TBC1D9B: variants seen among roughly 807,000 people sequenced by gnomAD.
TBC1D9B encodes TBC1 domain family, member 9B (with GRAM domain).
TBC1D9B carries 87 observed loss-of-function variants against 121.1 expected under a neutral mutation model. The ratio of observed to expected loss-of-function variants is 0.72; its 90% confidence interval spans 0.60 to 0.86. The LOEUF is 0.86. Among genes scored for constraint, TBC1D9B ranks in the 40% least tolerant of loss-of-function variants. The pLI is 0.00. For synonymous variants in TBC1D9B, 668 were observed against 670.1 expected (o/e 1.00, Z 0.05); for missense variants, 1,540 against 1,628.6 (o/e 0.95, Z 0.94).
intron 7 of TBC1D9B, 71 bp downstream of exon 7, chr5:179,888,032 G>A (rs910659025): frequency 1.9e-5 from 30 of 1,572,042 alleles, no homozygotes; most frequent in East Asian, 2.2e-5. Flanking sequence ...AGGCTCCAGC[G>A]GGGAGGCTGA....
rs942776062 is a variant in TBC1D9B, at chr5:179,872,775, A to C, written c.2415+117T>G. ...TCCCATGAATCCTACCATGATGTAC[A>C]TACCAAAGCAGTGTAGGAGACTGGG... On this transcript the variant is annotated intron_variant, in intron 14 of 20. Transcript: ENST00000355235. 5.3e-6 allele frequency: 5 copies of C among 942,858 alleles called. No homozygotes were observed. The highest frequency in any genetic ancestry group is 8.2e-6 in the Non-Finnish European group (5 of 611,788). The allele number at this position is 942,858 out of a possible 1,614,324, so 58.4% of individuals were successfully genotyped here.
rs768709430 is a variant in TBC1D9B at position 179,875,167 on chromosome 5, T to C, written c.1921A>G (p.Ile641Val). ...AAGTCTCTCGTGAGCTCTTCGAAGATGCCTTGGTCCACCAGGGCTCCTGCG... is the reference window on the plus strand; with the variant it reads ...AAGTCTCTCGTGAGCTCTTCGAAGACGCCTTGGTCCACCAGGGCTCCTGCG... ...RVVGALVDQG[I>V]FEELTRDFLP... Residue 641 changes from isoleucine (I) to valine (V), a missense_variant, in exon 12 of 21, where the codon ATC (isoleucine) becomes GTC (valine). Physicochemically the swap from Ile to Val is conservative, Grantham distance 29. Transcript: ENST00000355235. This position sits in a 1 kb window ranked among gnomAD's most constrained non-coding sequence, Gnocchi z 4.5. The C allele has an allele frequency of 1.9e-6, 3 of 1,613,414 alleles. No homozygotes were observed. The South Asian group carries it at 3.3e-5, about 18-fold the overall frequency.
Position 179,902,710 on chromosome 5 carries a change from C to T in TBC1D9B, c.229+1992G>A, listed in dbSNP as rs1761197274. ...TGCCAGAGATGGAAATCTCAAGGGC[C>T]CATGTTAAAGCAGCTCCTCTCCTCA... is the stretch of plus-strand genomic sequence containing the variant. On this transcript the variant is annotated intron_variant, in intron 2 of 20. Coordinates refer to ENST00000355235, the MANE Select transcript of TBC1D9B (RefSeq NM_015043.4). The surrounding 1 kb of genome is among the most constrained non-coding windows in gnomAD (Gnocchi z 4.9). Among the ~76,000 whole-genome samples, 1 of 152,156 alleles carries T rather than the reference C, an allele frequency of 6.6e-6. No individual in the cohort carries two copies. Among genetic ancestry groups the T allele is most frequent in the Non-Finnish European group, 1.5e-5 (1 of 68,016 alleles).
rs377187031 is a variant in TBC1D9B at position 179,879,622 on chromosome 5, G to A, written c.1416+6C>T. The A allele has an allele frequency of 1.9e-6, 3 of 1,613,820 alleles. No individual in the cohort carries two copies. Among genetic ancestry groups the A allele is most frequent in the Non-Finnish European group, 2.5e-6 (3 of 1,179,868 alleles). ...GGAGGCTGGAGTGCCGGCGCTCAGG[G>A]CTCACCCCCTTGGCTCCAAGGTCCT... On this transcript the variant is annotated splice_donor_region_variant and intron_variant, in intron 8 of 20. Coordinates refer to ENST00000355235, the MANE Select transcript of TBC1D9B (RefSeq NM_015043.4).
rs1347891538 is a variant in TBC1D9B, at chr5:179,891,388, G to C, written c.1035C>G (p.Pro345=). The C allele has an allele frequency of 6.2e-7, 1 of 1,614,202 alleles. No homozygotes were observed. Among genetic ancestry groups the C allele is most frequent in the South Asian group, 1.1e-5 (1 of 91,076 alleles). Residue 345 remains proline, a synonymous_variant, in exon 6 of 21, where the codon CCC becomes CCG. Transcript: ENST00000355235. The surrounding 1 kb of genome is among the most constrained non-coding windows in gnomAD (Gnocchi z 4.3). ...KEEDACHLII[P]LREVTIVEKA... is the part of the protein sequence containing the mutation. ...ACTAGGGGATGCTGACCTCCCTCAG[G>C]GGTATGATGAGGTGGCAAGCGTCCT... is the stretch of plus-strand genomic sequence containing the variant.
In TBC1D9B at chr5:179,885,022, T is replaced by C. The variant is rs569409721; in HGVS notation, c.1254+3081A>G. Among the ~76,000 whole-genome samples, 5 of 152,276 alleles carry C rather than the reference T, an allele frequency of 3.3e-5. No individual in the cohort carries two copies. Among genetic ancestry groups the C allele is most frequent in the South Asian group, 2.1e-4 (1 of 4,824 alleles). ...GCGTCTCCTGAATCTGACCCCTTCT[T>C]ACACCTACACTGTTCCTACCCTTGA... On this transcript the variant is annotated intron_variant, in intron 7 of 20. Transcript: ENST00000355235. The surrounding 1 kb of genome is among the most constrained non-coding windows in gnomAD (Gnocchi z 4.5).
At chr5:179,866,171 G>A (rs1760001582) in intron 18 of TBC1D9B, 1 of 400,802 alleles carries the variant, frequency 2.5e-6, no homozygotes, top group African/African-American at 2.1e-5. Flanking sequence ...CAACATGCTG[G>A]TTTTGACGTG....
At chr5:179,883,359 C>T (rs1392327013) in intron 7 of TBC1D9B, among the ~76,000 whole-genome samples, 1 of 152,182 alleles carries the variant, frequency 6.6e-6, no homozygotes, top group Non-Finnish European at 1.5e-5. Flanking sequence ...TGGGATGGCA[C>T]TACGATTATA....
rs796278508 is a variant in TBC1D9B at position 179,881,946 on chromosome 5, G to GTTTTTTTTTTTTTTTT, written c.1255-2173_1255-2158dup. Among the ~76,000 whole-genome samples the GTTTTTTTTTTTTTTTT allele has an allele frequency of 2.9e-4, 37 of 128,280 alleles. 5 individuals are homozygous for GTTTTTTTTTTTTTTTT. Among genetic ancestry groups the GTTTTTTTTTTTTTTTT allele is most frequent in the African/African-American group, 1.2e-3 (37 of 29,960 alleles). The allele number at this position is 128,280 out of a possible 152,430, so 84.2% of individuals were successfully genotyped here. ...TTCCATATCTTTCCATATACCTTCCGTTTTTTTTTTTTTTTTGAGATGGAG... is the reference window on the plus strand; with the variant it reads ...TTCCATATCTTTCCATATACCTTCCGTTTTTTTTTTTTTTTTTTTTTTTTTTTTTTTTGAGATGGAG... On this transcript the variant is annotated intron_variant, in intron 7 of 20. Transcript: ENST00000355235.
At chr5:179,898,242 C>T (rs1332609082) in intron 3 of TBC1D9B, among the ~76,000 whole-genome samples, 1 of 150,776 alleles carries the variant, frequency 6.6e-6, no homozygotes, top group Non-Finnish European at 1.5e-5. Flanking sequence ...AACTCTGCTT[C>T]CCGGGTTTAT....
intron 4 of TBC1D9B, among the ~76,000 whole-genome samples, chr5:179,894,146 G>A (rs1760950612): frequency 6.6e-6 from 1 of 152,218 alleles, no homozygotes; most frequent in African/African-American, 2.4e-5. Context: ...AGAGGGCAGG[G>A]CAGGCACGCG....
chr5:179,892,989 C>T (rs1318596442), intron 5 of TBC1D9B, among the ~76,000 whole-genome samples: 2 of 152,228 alleles, frequency 1.3e-5, no homozygotes, highest in Admixed American at 1.3e-4. Context: ...GAGCTTCCTC[C>T]CCATTAGTGG....
chr5:179,869,672 C>G (rs896861183), intron 17 of TBC1D9B, 97 bp downstream of exon 17: 4 of 1,368,206 alleles, frequency 2.9e-6, no homozygotes, highest in Admixed American at 3.7e-5. Context: ...TGCTGTGCCC[C>G]CTCGAGGCCC....
rs182728273 is a variant in TBC1D9B at position 179,877,985 on chromosome 5, G to A, written c.1782+324C>T. 3.0e-3 allele frequency among the ~76,000 whole-genome samples: 458 copies of A among 152,300 alleles called. 3 individuals carry two copies. The highest frequency in any genetic ancestry group is 0.011 in the African/African-American group (438 of 41,552). ...GGATGGCGGTGACGGGCGTGCAACA[G>A]TGTGAATGTGCTTAGAGCACTGAGC... On this transcript the variant is annotated intron_variant, in intron 10 of 20. Coordinates refer to ENST00000355235, the MANE Select transcript of TBC1D9B (RefSeq NM_015043.4).
In TBC1D9B at chr5:179,888,125, C is replaced by T; in HGVS notation, c.1232G>A (p.Ser411Asn). The change falls in exon 7 of 21, where the codon AGT becomes AAT. Residue 411 changes from serine (S) to asparagine (N), a missense_variant. Ser to Asn is a conservative substitution (Grantham distance 46). Coordinates refer to ENST00000355235, the MANE Select transcript of TBC1D9B (RefSeq NM_015043.4). ...CACCTCTGTGCTAGGGTCCACAACA[C>T]TGGCTTTCCTGCTCCCGATACTGCC... is the stretch of plus-strand genomic sequence containing the variant. ...QPGSIGSRKA[S>N]VVDPSTESSP... 7 of 1,613,880 alleles carry T rather than the reference C, an allele frequency of 4.3e-6. No individual in the cohort carries two copies. The highest frequency in any genetic ancestry group is 5.9e-6 in the Non-Finnish European group (7 of 1,179,970).
rs1464200653 is a variant in TBC1D9B at position 179,894,550 on chromosome 5, T to C, written c.413A>G (p.Lys138Arg). Residue 138 changes from lysine (K) to arginine (R), a missense_variant, in exon 4 of 21, where the codon AAG (lysine) becomes AGG (arginine). Coordinates refer to ENST00000355235, the MANE Select transcript of TBC1D9B (RefSeq NM_015043.4). ...CTTCCGCATCTTCAGCTCAGCCTCC[T>C]TGAACTTCCCGGGGTCCTCGTCTCC... is the stretch of plus-strand genomic sequence containing the variant. ...PQGDEDPGKF[K>R]EAELKMRKQF... 6.2e-7 allele frequency: 1 copy of C among 1,614,250 alleles called. No homozygotes were observed. The highest frequency in any genetic ancestry group is 1.1e-5 in the South Asian group (1 of 91,088).
chr5:179,867,661 T>C lies in TBC1D9B; in HGVS notation c.2863+117A>G, dbSNP rs575082877. 1.2e-3 allele frequency: 1,866 copies of C among 1,520,738 alleles called. 3 individuals are homozygous for C. Among genetic ancestry groups the C allele is most frequent in the Non-Finnish European group, 1.5e-3 (1,650 of 1,106,460 alleles). The allele number at this position is 1,520,738 out of a possible 1,614,324, so 94.2% of individuals were successfully genotyped here. On this transcript the variant is annotated intron_variant, in intron 18 of 20. Transcript: ENST00000355235. ...CCGTGGTCCCCTGGGGAGAACCCCA[T>C]GCGGCCTGCTCCCTGAGCCCAGGTG...
chr5:179,869,106 G>A (rs1449424428), intron 17 of TBC1D9B: 1 of 169,900 alleles, frequency 5.9e-6, no homozygotes, highest in African/African-American at 2.4e-5. Flanking sequence ...CCCGGGGTCG[G>A]TTCTGAGGGC....
At chr5:179,895,343 C>T (rs1350570460) in intron 3 of TBC1D9B, among the ~76,000 whole-genome samples, 1 of 152,194 alleles carries the variant, frequency 6.6e-6, no homozygotes, top group Non-Finnish European at 1.5e-5. Context: ...GATTCATAAG[C>T]AAATGTATGT....
Sources: gnomAD v4.1 joint callset for allele counts (sites outside exome capture counted in the v4.1 genomes callset) on GRCh38, gnomAD v4.1.1 for gene constraint, Gnocchi (gnomAD v3.1) non-coding constraint, MANE v1.5 for transcripts, NCBI Gene and HGNC (gene_info 2026-07-23, HGNC 2026-07-21) for gene names.